The following HTRA3 variants were observed in gnomAD, a reference collection of about 807,000 sequenced individuals.
The protein encoded by HTRA3 is serine protease HTRA3.
Under a neutral mutation model 43.2 loss-of-function variants are expected in HTRA3, and 41 were observed. The observed-to-expected ratio is 0.95, with a 90% CI of 0.74 to 1.23. The LOEUF (loss-of-function observed/expected upper bound fraction) is 1.23, where lower values mean the gene tolerates loss of function less well. Ranked by LOEUF, HTRA3 falls within the 50% of genes most tolerant of loss-of-function variation. The pLI is 0.00. For missense variants in HTRA3, 628 were observed against 647.1 expected, an observed-to-expected ratio of 0.97 and a Z score of 0.32; for synonymous variants, 295 against 287.9, an observed-to-expected ratio of 1.02 and a Z score of -0.25.
intron 6 of HTRA3, among the ~76,000 whole-genome samples, chr4:8,301,605 G>C (rs916124055): frequency 8.6e-5 from 13 of 151,940 alleles, no homozygotes; most frequent in African/African-American, 3.1e-4. Context: ...TCTTTTTATA[G>C]TTTTTAAGAC....
At chr4:8,303,900 TCATCCATC>T (rs542518473) in intron 7 of HTRA3, among the ~76,000 whole-genome samples, 13 of 151,968 alleles carry the variant, frequency 8.6e-5, no homozygotes, top group African/African-American at 1.2e-4. Flanking sequence ...ATTCCTTCAT[TCATCCATC>T]CATCCATCCA....
At position 8,306,116 on chromosome 4, in the gene HTRA3, G is replaced by T; in HGVS notation, c.1342G>T (p.Ala448Ser). ...GAACGACGACCTCCTCTTCAGCATCGCACCTGAGGTGGTCATGTGAGGGGC... is the reference window on the plus strand; with the variant it reads ...GAACGACGACCTCCTCTTCAGCATCTCACCTGAGGTGGTCATGTGAGGGGC... Reference protein sequence around the residue: ...RGNDDLLFSIAPEVVM With the variant: ...RGNDDLLFSISPEVVM Residue 448 changes from alanine (A) to serine (S), a missense_variant, in exon 9 of 9, where the codon GCA becomes TCA. Physicochemically the swap from Ala to Ser is moderately conservative, Grantham distance 99 (BLOSUM62 1). Transcript: ENST00000307358. The surrounding 1 kb of genome is among the most constrained non-coding windows in gnomAD (Gnocchi z 8.9). 6.3e-7 allele frequency: 1 copy of T among 1,590,466 alleles called. No homozygotes were observed.
intron 3 of HTRA3, among the ~76,000 whole-genome samples, chr4:8,289,991 G>A (rs1205654607): frequency 6.6e-6 from 1 of 152,124 alleles, no homozygotes. Flanking sequence ...TGGGTGCAGG[G>A]AGGACGGGCT....
intron 1 of HTRA3, among the ~76,000 whole-genome samples, chr4:8,281,273 A>T (rs1034191441): frequency 2.0e-4 from 31 of 152,300 alleles, no homozygotes; most frequent in African/African-American, 6.0e-4. Flanking sequence ...CTCGGTCCCC[A>T]TGCCCGGCCA....
intron 3 of HTRA3, among the ~76,000 whole-genome samples, chr4:8,290,202 C>A (rs1363221069): frequency 6.6e-6 from 1 of 152,276 alleles, no homozygotes; most frequent in Non-Finnish European, 1.5e-5. Context: ...CTTTCCCACA[C>A]CAGCGCCCGC....
intron 1 of HTRA3, among the ~76,000 whole-genome samples, chr4:8,275,734 G>C (rs892161996): frequency 1.3e-5 from 2 of 152,222 alleles, no homozygotes; most frequent in Non-Finnish European, 2.9e-5. Context: ...GTGACACTGG[G>C]CACTGTTCCA....
At position 8,279,962 on chromosome 4, in the gene HTRA3, C is replaced by T. The variant is rs951620744; in HGVS notation, c.386-2475C>T. Among the ~76,000 whole-genome samples the T allele has an allele frequency of 1.4e-5, 2 of 145,220 alleles. No individual in the cohort carries two copies. The highest frequency in any genetic ancestry group is 2.7e-5 in the African/African-American group (1 of 36,922). On this transcript the variant is annotated intron_variant, in intron 1 of 8. Transcript: ENST00000307358. This position sits in a 1 kb window ranked among gnomAD's most constrained non-coding sequence, Gnocchi z 7.4. ...GTGGGCACACAGGAGGCACCCTGCACGAGTGGCTTGAATAAGGCTGTGAGC... is the reference window on the plus strand; with the variant it reads ...GTGGGCACACAGGAGGCACCCTGCATGAGTGGCTTGAATAAGGCTGTGAGC...
At chr4:8,299,297 G>A (rs1353170317) in intron 6 of HTRA3, among the ~76,000 whole-genome samples, 3 of 152,268 alleles carry the variant, frequency 2.0e-5, no homozygotes, top group South Asian at 2.1e-4. Flanking sequence ...TTGGTTAAGA[G>A]AATATTCAAA....
At chr4:8,291,249 G>T in intron 3 of HTRA3, 121 bp from the exon 4 acceptor site, 1 of 840,980 alleles carries the variant, frequency 1.2e-6, no homozygotes, top group Non-Finnish European at 2.0e-6. Context: ...TCACAGTCCT[G>T]GTGGCTTTGC....
Position 8,286,253 on chromosome 4 carries a change from C to G in HTRA3, c.486-308C>G, listed in dbSNP as rs974023269. The stretch of plus-strand genomic sequence containing the variant: ...GCATCCTGGTCTGTCTGGCTCCGTG[C>G]TCCGTAGTCAGGATGGCGAGTGCAA... On this transcript the variant is annotated intron_variant, in intron 2 of 8. Coordinates refer to ENST00000307358, the MANE Select transcript of HTRA3 (RefSeq NM_053044.5). This position sits in a 1 kb window ranked among gnomAD's most constrained non-coding sequence, Gnocchi z 4.9. Among the ~76,000 whole-genome samples the G allele has an allele frequency of 6.6e-6, 1 of 152,200 alleles. No individual in the cohort carries two copies. Among genetic ancestry groups the G allele is most frequent in the Non-Finnish European group, 1.5e-5 (1 of 68,038 alleles).
intron 3 of HTRA3, among the ~76,000 whole-genome samples, chr4:8,290,723 G>A (rs1713199254): frequency 6.6e-6 from 1 of 152,216 alleles, no homozygotes; most frequent in Non-Finnish European, 1.5e-5. Flanking sequence ...TGTTCTCCTT[G>A]CTGCCAGGCT....
At chr4:8,301,632 G>C (rs77228774) in intron 6 of HTRA3, among the ~76,000 whole-genome samples, 1,796 of 152,170 alleles carry the variant, frequency 0.012, 29 homozygotes, top group African/African-American at 0.041. Context: ...TGAGGTTATT[G>C]ATTTGAGACT....
intron 1 of HTRA3, among the ~76,000 whole-genome samples, chr4:8,275,688 G>A (rs549314256): frequency 6.6e-6 from 1 of 152,364 alleles, no homozygotes; most frequent in Non-Finnish European, 1.5e-5. Flanking sequence ...TTGCTTTGAG[G>A]GAGGGAGGCC....
At chr4:8,294,258 C>T in intron 6 of HTRA3, 57 bp downstream of exon 6, 1 of 1,241,896 alleles carries the variant, frequency 8.1e-7, no homozygotes, top group Non-Finnish European at 1.2e-6. Context: ...AGGGCTACAG[C>T]CCCTTAACAC....
rs542518473 is a variant in HTRA3, at chr4:8,303,900, T to TCATC, written c.1101-258_1101-255dup. On this transcript the variant is annotated intron_variant, in intron 7 of 8. Transcript: ENST00000307358. ...CACCCATCCAGCATCATTCCTTCATTCATCCATCCATCCATCCATCCATCC... is the reference window on the plus strand; with the variant it reads ...CACCCATCCAGCATCATTCCTTCATTCATCCATCCATCCATCCATCCATCCATCC... Among the ~76,000 whole-genome samples the TCATC allele has an allele frequency of 1.8e-3, 276 of 152,082 alleles. 4 individuals are homozygous for TCATC. Among genetic ancestry groups the TCATC allele is most frequent in the African/African-American group, 2.3e-3 (94 of 41,460 alleles).
intron 1 of HTRA3, among the ~76,000 whole-genome samples, chr4:8,273,894 T>C (rs4280714): frequency 0.76 from 114,372 of 150,958 alleles, 43,960 homozygotes; most frequent in Middle Eastern, 0.89. Flanking sequence ...CCCTCATTCC[T>C]CTCTGCCTCT....
chr4:8,295,854 TC>T lies in HTRA3; in HGVS notation c.1051+1654del. ...CTGTTGAGGATGCCGCCATTGTTCT[TC>T]TGTGTCCATTATGGGAAGACAATCT... On this transcript the variant is annotated intron_variant, in intron 6 of 8. Transcript: ENST00000307358. This position sits in a 1 kb window ranked among gnomAD's most constrained non-coding sequence, Gnocchi z 6.9. 2 of 1,236,888 alleles carry T rather than the reference TC, an allele frequency of 1.6e-6. No individual in the cohort carries two copies. Among genetic ancestry groups the T allele is most frequent in the Non-Finnish European group, 2.0e-6 (2 of 989,378 alleles). The allele number at this position is 1,236,888 out of a possible 1,614,324, so 76.6% of individuals were successfully genotyped here.
chr4:8,275,982 G>A (rs1712508415), intron 1 of HTRA3, among the ~76,000 whole-genome samples: 1 of 152,198 alleles, frequency 6.6e-6, no homozygotes, highest in Non-Finnish European at 1.5e-5. Flanking sequence ...TAATGGGTGG[G>A]ACAGGGTTTA....
At chr4:8,281,938 TG>T (rs1317574254) in intron 1 of HTRA3, among the ~76,000 whole-genome samples, 1 of 152,168 alleles carries the variant, frequency 6.6e-6, no homozygotes, top group East Asian at 1.9e-4. Flanking sequence ...AAGGGTCACC[TG>T]GGGGTCTTCC....
Sources: allele counts gnomAD v4.1 joint callset (sites outside exome capture counted in the v4.1 genomes callset), GRCh38; gene constraint gnomAD v4.1.1; non-coding constraint Gnocchi (gnomAD v3.1); transcripts MANE v1.5; gene names NCBI Gene and HGNC (gene_info 2026-07-23, HGNC 2026-07-21).